KCNH8: variants seen among roughly 807,000 people sequenced by gnomAD.
KCNH8 encodes the protein potassium voltage-gated channel subfamily H member 8, also known as voltage-gated delayed rectifier potassium channel KCNH8.
In KCNH8, 70 loss-of-function variants were observed where a neutral mutation model predicts 103.6. That is an observed-to-expected ratio of 0.68 (90% CI 0.56 to 0.82). The LOEUF (loss-of-function observed/expected upper bound fraction) is 0.82. Among genes scored for constraint, KCNH8 ranks in the 40% least tolerant of loss-of-function variants. KCNH8 has a pLI of 0.00. For missense variants in KCNH8, 1,217 were observed against 1,329.9 expected (o/e 0.92, Z 1.32); for synonymous variants, 498 against 489.4 (o/e 1.02, Z -0.23).
Position 19,179,218 on chromosome 3 carries a change from C to T in KCNH8, c.76+30423C>T, listed in dbSNP as rs990452167. Among the ~76,000 whole-genome samples, 53 of 151,894 alleles carry T rather than the reference C, an allele frequency of 3.5e-4. 1 individual carries two copies. The highest frequency in any genetic ancestry group is 1.2e-3 in the African/African-American group (49 of 41,364). ...GAATGTTTATTATTTGTTTCTCTAA[C>T]GCTTGCCAAATATGCATATCTGTGG... On this transcript the variant is annotated intron_variant, in intron 1 of 15. Transcript: ENST00000328405.
intron 1 of KCNH8, among the ~76,000 whole-genome samples, chr3:19,165,233 G>A (rs1559404321): frequency 6.6e-6 from 1 of 152,048 alleles, no homozygotes; most frequent in Non-Finnish European, 1.5e-5. Context: ...CTATTAGGTT[G>A]GTGCAAAAGT....
intron 3 of KCNH8, among the ~76,000 whole-genome samples, chr3:19,290,769 G>A (rs1426832226): frequency 6.6e-6 from 1 of 152,210 alleles, no homozygotes; most frequent in African/African-American, 2.4e-5. Context: ...CATAAAATGA[G>A]TTAGGGAGGA....
In KCNH8 at chr3:19,231,839, T is replaced by A. The variant is rs115695055; in HGVS notation, c.77-21815T>A. 7.7e-3 allele frequency among the ~76,000 whole-genome samples: 1,172 copies of A among 152,318 alleles called. 16 individuals carry two copies. The highest frequency in any genetic ancestry group is 0.026 in the African/African-American group (1,079 of 41,560). On this transcript the variant is annotated intron_variant, in intron 1 of 15. Transcript: ENST00000328405. ...CAGCTTTCCTTTCATCAAAGGAGCT[T>A]GTCTTCATTTGCAAACATTTCTTTT...
intron 5 of KCNH8, among the ~76,000 whole-genome samples, chr3:19,353,932 G>C (rs1396647315): frequency 6.6e-6 from 1 of 152,192 alleles, no homozygotes; most frequent in African/African-American, 2.4e-5. Flanking sequence ...TAGGAAAAGA[G>C]AAAGTCAAAT....
At chr3:19,332,579 C>CT (rs1204626519) in intron 3 of KCNH8, among the ~76,000 whole-genome samples, 3 of 152,188 alleles carry the variant, frequency 2.0e-5, no homozygotes, top group African/African-American at 7.2e-5. Context: ...ACGTTTAAGG[C>CT]TTTTTTCTTC....
chr3:19,344,189 A>G (rs1416470222), intron 4 of KCNH8, among the ~76,000 whole-genome samples: 1 of 152,022 alleles, frequency 6.6e-6, no homozygotes, highest in Non-Finnish European at 1.5e-5. Flanking sequence ...TATAAGAAGA[A>G]ACAAAGGTAA....
chr3:19,533,809 A>G lies in KCNH8; in HGVS notation c.3034A>G (p.Ile1012Val), dbSNP rs1489729892. The G allele has an allele frequency of 3.1e-6, 5 of 1,614,200 alleles. No individual in the cohort carries two copies. The highest frequency in any genetic ancestry group is 4.2e-6 in the Non-Finnish European group (5 of 1,180,032). The change falls in exon 16 of 16, where the codon ATC (isoleucine) becomes GTC (valine). Residue 1012 changes from isoleucine (I) to valine (V), a missense_variant. Physicochemically the swap from Ile to Val is conservative, Grantham distance 29. Coordinates refer to ENST00000328405, the MANE Select transcript of KCNH8 (RefSeq NM_144633.3). ...AGGTCATTTGCAATTTTTAAGGTGC[A>G]TCTCTCCACATTCAGATTCTACGTT... ...QEGHLQFLRC[I>V]SPHSDSTLTP...
chr3:19,504,798 C>T (rs1334075068), intron 11 of KCNH8, among the ~76,000 whole-genome samples: 2 of 151,864 alleles, frequency 1.3e-5, no homozygotes, highest in South Asian at 2.1e-4. Context: ...ACAGAACTAC[C>T]ATTCAACTCA....
chr3:19,244,908 C>A (rs541970904), intron 1 of KCNH8, among the ~76,000 whole-genome samples: 1 of 152,128 alleles, frequency 6.6e-6, no homozygotes, highest in African/African-American at 2.4e-5. Flanking sequence ...TTCTTTCATT[C>A]TGCAGGTTGT....
intron 11 of KCNH8, among the ~76,000 whole-genome samples, chr3:19,505,441 C>T (rs77099407): frequency 3.9e-4 from 59 of 152,152 alleles, no homozygotes; most frequent in African/African-American, 1.3e-3. Context: ...ACATGTACCC[C>T]TGAACTTAAG....
rs1322762415 is a variant in KCNH8 at position 19,534,490 on chromosome 3, T to C, written c.*391T>C. The C allele has an allele frequency of 1.5e-5, 3 of 200,000 alleles. No homozygotes were observed. Among genetic ancestry groups the C allele is most frequent in the Non-Finnish European group, 3.1e-5 (3 of 98,134 alleles). The allele number at this position is 200,000 out of a possible 1,614,324, so 12.4% of individuals were successfully genotyped here. On this transcript the variant is annotated 3_prime_UTR_variant, in exon 16 of 16. Transcript: ENST00000328405. ...GATTGTTATTCCTGAACAATATCCATAGCACTGTTGGCCTCAGGAGTGCAC... is the reference window on the plus strand; with the variant it reads ...GATTGTTATTCCTGAACAATATCCACAGCACTGTTGGCCTCAGGAGTGCAC...
At chr3:19,401,564 A>G (rs1433723731) in intron 7 of KCNH8, among the ~76,000 whole-genome samples, 1 of 151,946 alleles carries the variant, frequency 6.6e-6, no homozygotes, top group Non-Finnish European at 1.5e-5. Flanking sequence ...GCTCTATTCT[A>G]TTTTCATAAG....
intron 7 of KCNH8, among the ~76,000 whole-genome samples, chr3:19,415,891 G>T (rs1019815047): frequency 6.6e-6 from 1 of 151,982 alleles, no homozygotes. Context: ...AATCTGGGTG[G>T]TATGAAATAG....
At chr3:19,395,022 AT>A in intron 6 of KCNH8, 81 bp from the exon 7 acceptor site, 1 of 984,348 alleles carries the variant, frequency 1.0e-6, no homozygotes, top group South Asian at 1.3e-5. Context: ...CATTTCCAGA[AT>A]TTTTAGAATG....
At chr3:19,305,958 A>G (rs1575512731) in intron 3 of KCNH8, among the ~76,000 whole-genome samples, 1 of 152,050 alleles carries the variant, frequency 6.6e-6, no homozygotes, top group Non-Finnish European at 1.5e-5. Context: ...AAAAATAAAA[A>G]ATAAAAAAAT....
chr3:19,289,348 T>A (rs911081797), intron 3 of KCNH8, among the ~76,000 whole-genome samples: 9 of 152,226 alleles, frequency 5.9e-5, no homozygotes, highest in African/African-American at 2.2e-4. Flanking sequence ...TCTAGGGTTT[T>A]TATGGTTTTA....
chr3:19,247,704 G>T (rs911404800), intron 1 of KCNH8, among the ~76,000 whole-genome samples: 1 of 152,124 alleles, frequency 6.6e-6, no homozygotes, highest in East Asian at 1.9e-4. Context: ...ATAAAGATTT[G>T]AACTATAAAT....
intron 11 of KCNH8, among the ~76,000 whole-genome samples, chr3:19,487,597 C>A (rs2068236831): frequency 6.6e-6 from 1 of 152,138 alleles, no homozygotes. Context: ...TGATTGACTG[C>A]CAGTCCCAGA....
chr3:19,472,937 T>C (rs890468460), intron 11 of KCNH8, among the ~76,000 whole-genome samples: 1 of 152,236 alleles, frequency 6.6e-6, no homozygotes, highest in African/African-American at 2.4e-5. Context: ...AGAATGTCAA[T>C]GTTATTAAGT....
Sources: allele counts gnomAD v4.1 joint callset (sites outside exome capture counted in the v4.1 genomes callset), GRCh38; gene constraint gnomAD v4.1.1; transcripts MANE v1.5; gene names NCBI Gene and HGNC (gene_info 2026-07-23, HGNC 2026-07-21).